NBR1: variants seen among roughly 807,000 people sequenced by gnomAD.
The protein encoded by NBR1 is NBR1 autophagy cargo receptor.
Under a neutral mutation model 115.5 loss-of-function variants are expected in NBR1, and 59 were observed. That is an observed-to-expected ratio of 0.51 (90% CI 0.41 to 0.63). NBR1 has a LOEUF of 0.63. Ranked by LOEUF, NBR1 falls within the 30% of genes least tolerant of loss-of-function variation. The probability of loss-of-function intolerance (pLI) is 0.00; values close to 1 mark genes in which losing one functional copy is unlikely to be tolerated. For synonymous variants in NBR1, 373 were observed against 414.7 expected, an observed-to-expected ratio of 0.90 and a Z score of 1.22; for missense variants, 1,043 against 1,150.5, an observed-to-expected ratio of 0.91 and a Z score of 1.35.
intron 16 of NBR1, among the ~76,000 whole-genome samples, chr17:43,198,347 T>G (rs1177220999): frequency 6.6e-6 from 1 of 151,998 alleles, no homozygotes; most frequent in Middle Eastern, 3.2e-3. Context: ...TTATTTATCT[T>G]ACTTTTGTTT....
chr17:43,198,293 A>C (rs1598004106), intron 16 of NBR1, among the ~76,000 whole-genome samples: 1 of 152,308 alleles, frequency 6.6e-6, no homozygotes, highest in East Asian at 1.9e-4. Flanking sequence ...ATAATATTGG[A>C]GAATCTCTTT....
chr17:43,203,054 G>A (rs980400153), intron 19 of NBR1, among the ~76,000 whole-genome samples: 1 of 152,134 alleles, frequency 6.6e-6, no homozygotes, highest in Admixed American at 6.6e-5. Flanking sequence ...TACTCAGGAG[G>A]CTGAGGTGGG....
At chr17:43,175,959 G>T (rs2056506471) in intron 2 of NBR1, 58 bp downstream of exon 2, 5 of 1,032,958 alleles carry the variant, frequency 4.8e-6, no homozygotes, top group Non-Finnish European at 7.3e-6. Context: ...TTTTCCAAAG[G>T]TAGCTATTTT....
In NBR1 at chr17:43,186,269, A is replaced by T; in HGVS notation, c.227A>T (p.Asn76Ile). Residue 76 changes from asparagine to isoleucine, a missense_variant, in exon 6 of 21, where the codon AAC becomes ATC. Transcript: ENST00000590996. ...TCTTAGATGGCAGTTAAACAGGGAA[A>T]CCAACTGCAGATGCAAGTCCACGAA... ...EALKMAVKQG[N>I]QLQMQVHEGH... The T allele has an allele frequency of 6.3e-7, 1 of 1,577,396 alleles. No individual in the cohort carries two copies. The highest frequency in any genetic ancestry group is 8.6e-7 in the Non-Finnish European group (1 of 1,161,766).
chr17:43,175,261 A>G (rs1348605271), intron 1 of NBR1, among the ~76,000 whole-genome samples: 3 of 152,210 alleles, frequency 2.0e-5, no homozygotes. Flanking sequence ...TTCTCAAGTT[A>G]GGACAACCCT....
intron 20 of NBR1, among the ~76,000 whole-genome samples, chr17:43,208,280 G>C (rs180730476): frequency 6.6e-6 from 1 of 152,204 alleles, no homozygotes; most frequent in Non-Finnish European, 1.5e-5. Context: ...AGCAGTGAAA[G>C]AGGTTAATGA....
At position 43,174,318 on chromosome 17, in the gene NBR1, C is replaced by A. The variant is rs185557034; in HGVS notation, c.-9-1473C>A. The stretch of plus-strand genomic sequence containing the variant: ...CATAAAAATATTTTAAAAAATAGTC[C>A]GGGCATGGTGGCTCACGCCTGTAAT... On this transcript the variant is annotated intron_variant, in intron 1 of 20. Coordinates refer to ENST00000590996, the MANE Select transcript of NBR1 (RefSeq NM_005899.5). Among the ~76,000 whole-genome samples the A allele has an allele frequency of 3.4e-3, 521 of 152,132 alleles. 7 individuals carry two copies. Among genetic ancestry groups the A allele is most frequent in the African/African-American group, 0.012 (510 of 41,512 alleles).
chr17:43,179,492 C>A, intron 4 of NBR1, 80 bp downstream of exon 4: 1 of 1,307,458 alleles, frequency 7.6e-7, no homozygotes, highest in Non-Finnish European at 1.1e-6. Context: ...TATACTCAAA[C>A]CTTATTGCAG....
chr17:43,178,248 A>G (rs11656945), intron 3 of NBR1, among the ~76,000 whole-genome samples: 45,858 of 151,184 alleles, frequency 0.3, 7,508 homozygotes, highest in South Asian at 0.49. Flanking sequence ...GGGTCTCACT[A>G]TGTTGCTCAG....
chr17:43,193,438 G>A lies in NBR1; in HGVS notation c.1324G>A (p.Val442Ile). 2 of 1,614,012 alleles carry A rather than the reference G, an allele frequency of 1.2e-6. No individual in the cohort carries two copies. The highest frequency in any genetic ancestry group is 1.7e-6 in the Non-Finnish European group (2 of 1,179,890). Reference sequence around the variant, plus strand: ...CCTCAAGGCCGGCCATGTGGGAGTTGTATCTGTGGAGTTCATTGCCCCAGC... The same window carrying A: ...CCTCAAGGCCGGCCATGTGGGAGTTATATCTGTGGAGTTCATTGCCCCAGC... ...PCLKAGHVGV[V>I]SVEFIAPALE... Residue 442 changes from valine (V) to isoleucine (I), a missense_variant, in exon 12 of 21, where the codon GTA (valine) becomes ATA (isoleucine). Coordinates refer to ENST00000590996, the MANE Select transcript of NBR1 (RefSeq NM_005899.5).
At chr17:43,196,728 C>T in intron 15 of NBR1, 137 bp downstream of exon 15, 1 of 856,198 alleles carries the variant, frequency 1.2e-6, no homozygotes, top group Non-Finnish European at 1.8e-6. Context: ...TTTGAAGTCT[C>T]CTCACCTTCA....
chr17:43,182,367 G>A (rs1179015770), intron 5 of NBR1, among the ~76,000 whole-genome samples: 3 of 151,350 alleles, frequency 2.0e-5, no homozygotes, highest in Non-Finnish European at 2.9e-5. Context: ...ACAGGTGTGC[G>A]CCACCACACC....
In NBR1 at chr17:43,171,253, A is replaced by G. The variant is rs987049392; in HGVS notation, c.-59A>G. The G allele has an allele frequency of 2.0e-5, 3 of 152,670 alleles. No homozygotes were observed. Among genetic ancestry groups the G allele is most frequent in the Non-Finnish European group, 4.4e-5 (3 of 68,048 alleles). The allele number at this position is 152,670 out of a possible 1,614,324, so 9.5% of individuals were successfully genotyped here. On this transcript the variant is annotated 5_prime_UTR_variant, in exon 1 of 21. Transcript: ENST00000590996. The stretch of plus-strand genomic sequence containing the variant: ...GGGATAGCGGCAGAGCCGGTAGCGG[A>G]CGGTCCTTGCATTGGCCTCCGGCAG...
chr17:43,184,369 A>ATTTTTTTTTTTTTTT (rs1597977030), intron 5 of NBR1, among the ~76,000 whole-genome samples: 12 of 21,802 alleles, frequency 5.5e-4, no homozygotes, highest in Non-Finnish European at 1.9e-3. Flanking sequence ...CCAAAATACT[A>ATTTTTTTTTTTTTTT]TTCTTTTTTT....
chr17:43,194,219 A>C (rs977781821), intron 12 of NBR1, 131 bp from the exon 13 acceptor site: 2 of 880,622 alleles, frequency 2.3e-6, no homozygotes, highest in Non-Finnish European at 3.4e-6. Flanking sequence ...TATAACTGTA[A>C]AAATATATCA....
At chr17:43,194,793 G>T (rs1391748278) in intron 13 of NBR1, 171 bp from the exon 14 acceptor site, 3 of 636,374 alleles carry the variant, frequency 4.7e-6, no homozygotes, top group South Asian at 2.1e-5. Flanking sequence ...CTGCTATTGG[G>T]TTATTTCAAC....
chr17:43,192,019 G>A (rs1465548308), intron 10 of NBR1, among the ~76,000 whole-genome samples: 1 of 71,578 alleles, frequency 1.4e-5, no homozygotes, highest in Non-Finnish European at 2.9e-5. Flanking sequence ...ACAGCACCCG[G>A]CTTTTTTTTT....
intron 10 of NBR1, among the ~76,000 whole-genome samples, chr17:43,192,749 T>C (rs962458418): frequency 6.6e-6 from 1 of 152,070 alleles, no homozygotes; most frequent in Admixed American, 6.6e-5. Flanking sequence ...AATGGCGGGG[T>C]CCCTCTCTTC....
intron 1 of NBR1, among the ~76,000 whole-genome samples, chr17:43,174,214 T>C (rs922976837): frequency 3.9e-5 from 6 of 152,134 alleles, no homozygotes; most frequent in Middle Eastern, 3.2e-3. Flanking sequence ...CCTGAGTTGA[T>C]AATTATGAAA....
Sources: allele counts gnomAD v4.1 joint callset (sites outside exome capture counted in the v4.1 genomes callset), GRCh38; gene constraint gnomAD v4.1.1; transcripts MANE v1.5; gene names NCBI Gene and HGNC (gene_info 2026-07-23, HGNC 2026-07-21).